The following GFPT1 variants were observed in gnomAD, a reference collection of about 807,000 sequenced individuals.
GFPT1 encodes the protein glutamine--fructose-6-phosphate transaminase 1, also known as glutamine--fructose-6-phosphate aminotransferase [isomerizing] 1.
In GFPT1, 40 loss-of-function variants were observed where a neutral mutation model predicts 92.0. The ratio of observed to expected loss-of-function variants is 0.43; its 90% CI spans 0.34 to 0.57. The LOEUF is 0.57. GFPT1 is among the 20% of genes least tolerant of loss of function. GFPT1 has a pLI of 0.02. For missense variants in GFPT1, 448 were observed against 869.1 expected (o/e 0.52, Z 6.09); for synonymous variants, 269 against 280.6 (o/e 0.96, Z 0.41).
rs11296709 is a variant in GFPT1 at position 69,338,710 on chromosome 2, TAAA to T, written c.1204-148_1204-146del. The stretch of plus-strand genomic sequence containing the variant: ...TAAAAACAACCCAGATTAAAATATT[TAAA>T]AAAAAAAAATCAAAATCCTACCACT... On this transcript the variant is annotated intron_variant, in intron 13 of 19. Transcript: ENST00000357308. 457 of 670,942 alleles carry T rather than the reference TAAA, an allele frequency of 6.8e-4. 2 individuals are homozygous for T. Among genetic ancestry groups the T allele is most frequent in the Middle Eastern group, 1.4e-3 (5 of 3,546 alleles). The allele number at this position is 670,942 out of a possible 1,614,324, so 41.6% of individuals were successfully genotyped here.
chr2:69,338,288 C>T (rs1574050781), intron 14 of GFPT1, among the ~76,000 whole-genome samples, 157 bp downstream of exon 14: 2 of 152,272 alleles, frequency 1.3e-5, no homozygotes, highest in Admixed American at 6.5e-5. Context: ...TTCATTTTTA[C>T]TAATTCATAA....
chr2:69,356,962 A>C (rs1269541404), intron 6 of GFPT1, among the ~76,000 whole-genome samples: 1 of 151,972 alleles, frequency 6.6e-6, no homozygotes, highest in Non-Finnish European at 1.5e-5. Flanking sequence ...CCATCTCTTG[A>C]CCTCGTGATC....
At chr2:69,358,962 T>C (rs1026992514) in intron 5 of GFPT1, among the ~76,000 whole-genome samples, 15 of 152,228 alleles carry the variant, frequency 9.9e-5, no homozygotes, top group Non-Finnish European at 5.9e-5. Flanking sequence ...TAATATATCC[T>C]AGGAACTTTA....
At chr2:69,328,941 T>A (rs1283268615) in intron 17 of GFPT1, among the ~76,000 whole-genome samples, 1 of 152,122 alleles carries the variant, frequency 6.6e-6, no homozygotes, top group Admixed American at 6.6e-5. Context: ...GACTTCAAGT[T>A]TGATCTACCT....
chr2:69,374,683 A>T (rs1671831625), intron 1 of GFPT1, among the ~76,000 whole-genome samples: 1 of 152,130 alleles, frequency 6.6e-6, no homozygotes, highest in African/African-American at 2.4e-5. Context: ...TAATTTTTTT[A>T]AAAACCAATT....
intron 15 of GFPT1, 127 bp downstream of exon 15, chr2:69,337,771 T>C (rs1358533549): frequency 8.6e-6 from 7 of 815,820 alleles, no homozygotes; most frequent in Non-Finnish European, 1.5e-5. Flanking sequence ...CTATAACTGC[T>C]AACAAAAATA....
intron 1 of GFPT1, among the ~76,000 whole-genome samples, chr2:69,378,012 G>GT (rs974731174): frequency 1.3e-5 from 2 of 152,008 alleles, no homozygotes; most frequent in African/African-American, 4.8e-5. Flanking sequence ...CCAATAAACA[G>GT]TTTTTTGTTT....
intron 12 of GFPT1, among the ~76,000 whole-genome samples, chr2:69,344,649 CTT>C (rs1432366362): frequency 4.0e-5 from 6 of 149,032 alleles, no homozygotes; most frequent in Admixed American, 4.0e-4. Context: ...TATAAGTACT[CTT>C]TTTTATTTTT....
intron 15 of GFPT1, among the ~76,000 whole-genome samples, chr2:69,336,350 A>AAG (rs1670797743): frequency 6.6e-6 from 1 of 150,880 alleles, no homozygotes; most frequent in South Asian, 2.1e-4. Flanking sequence ...AAAAAAAAAA[A>AAG]AAAAAAGAAA....
intron 15 of GFPT1, among the ~76,000 whole-genome samples, chr2:69,331,515 T>C (rs556539631): frequency 1.3e-5 from 2 of 152,292 alleles, no homozygotes; most frequent in South Asian, 4.1e-4. Flanking sequence ...ATACCTTAAA[T>C]TACTATATAT....
chr2:69,379,845 G>A (rs971907611), intron 1 of GFPT1, among the ~76,000 whole-genome samples: 1 of 151,884 alleles, frequency 6.6e-6, no homozygotes, highest in African/African-American at 2.4e-5. Flanking sequence ...TCAGCCTCTG[G>A]AGTAGCTGGG....
intron 14 of GFPT1, 95 bp from the exon 15 acceptor site, chr2:69,338,150 ATTAC>A: frequency 9.2e-7 from 1 of 1,092,390 alleles, no homozygotes; most frequent in Non-Finnish European, 1.4e-6. Context: ...TTTCAACAAT[ATTAC>A]TTGTTTTAAA....
At position 69,329,398 on chromosome 2, in the gene GFPT1, C is replaced by A. The variant is rs1308915445; in HGVS notation, c.1624G>T (p.Asp542Tyr). ...GTTGCTAGTTTCTGAATTTCGTCAT[C>A]CATGCTCAGTACTTCCTTAATCAAA... ...PDLIKEVLSM[D>Y]DEIQKLATEL... Residue 542 changes from aspartate (D) to tyrosine (Y), a missense_variant, in exon 17 of 20, where the codon GAT becomes TAT. Asp to Tyr is a radical substitution (Grantham distance 160). Around this residue, in one of 7 missense-constraint regions of GFPT1, gnomAD observed 73 missense variants for 103.5 expected, o/e 0.71. Coordinates refer to ENST00000357308, the MANE Select transcript of GFPT1 (RefSeq NM_001244710.2). The A allele has an allele frequency of 6.2e-7, 1 of 1,609,962 alleles. No individual in the cohort carries two copies. Among genetic ancestry groups the A allele is most frequent in the African/African-American group, 1.3e-5 (1 of 74,826 alleles).
intron 11 of GFPT1, among the ~76,000 whole-genome samples, chr2:69,347,485 T>C (rs141562181): frequency 3.2e-4 from 49 of 151,838 alleles, no homozygotes; most frequent in African/African-American, 1.1e-3. Context: ...AGCTTCTTTT[T>C]TTTTTTTTTG....
At chr2:69,365,957 C>T (rs555910894) in intron 3 of GFPT1, among the ~76,000 whole-genome samples, 134 of 152,172 alleles carry the variant, frequency 8.8e-4, no homozygotes, top group Middle Eastern at 3.4e-3. Flanking sequence ...GGATTACAGG[C>T]ACGCACCACC....
rs912879175 is a variant in GFPT1, at chr2:69,349,821, A to C, written c.845+257T>G. Among the ~76,000 whole-genome samples the C allele has an allele frequency of 5.3e-5, 8 of 152,134 alleles. No homozygotes were observed. The South Asian group carries it at 1.4e-3, about 28-fold the overall frequency. On this transcript the variant is annotated intron_variant, in intron 10 of 19. Transcript: ENST00000357308. ...AGGCTCCTGAAATAAGAAGGAAAAA[A>C]ATGTAAGAGCTCTAAAATAAATACA...
intron 3 of GFPT1, among the ~76,000 whole-genome samples, chr2:69,367,931 T>C (rs758975452): frequency 8.5e-5 from 13 of 152,344 alleles, no homozygotes; most frequent in Non-Finnish European, 1.9e-4. Flanking sequence ...CAATACTTAT[T>C]TTGCATGTAT....
chr2:69,331,204 T>C (rs1458970811), intron 15 of GFPT1, among the ~76,000 whole-genome samples: 1 of 152,202 alleles, frequency 6.6e-6, no homozygotes, highest in Non-Finnish European at 1.5e-5. Flanking sequence ...ACAATGAACC[T>C]TCACTACTAT....
chr2:69,374,856 A>C (rs1460828236), intron 1 of GFPT1, among the ~76,000 whole-genome samples: 1 of 152,242 alleles, frequency 6.6e-6, no homozygotes, highest in Non-Finnish European at 1.5e-5. Flanking sequence ...GGAATAAATG[A>C]TATGAAAAAT....
Sources: gnomAD v4.1 joint callset for allele counts (sites outside exome capture counted in the v4.1 genomes callset) on GRCh38, gnomAD v4.1.1 for gene constraint, gnomAD v4.1.1 regional missense constraint, MANE v1.5 for transcripts, NCBI Gene and HGNC (gene_info 2026-07-23, HGNC 2026-07-21) for gene names.